HS6ST3: variants seen among roughly 807,000 people sequenced by gnomAD.
HS6ST3 encodes heparan sulfate 6-O-sulfotransferase 3, also known as heparan-sulfate 6-O-sulfotransferase 3.
Under a neutral mutation model 36.7 loss-of-function variants are expected in HS6ST3, and 12 were observed. The observed-to-expected ratio is 0.33, with a 90% CI of 0.21 to 0.53. The LOEUF is 0.53. Ranked by LOEUF, HS6ST3 falls within the 20% of genes least tolerant of loss-of-function variation. The pLI, the probability that HS6ST3 is intolerant of heterozygous loss-of-function variation, is 0.95. For missense variants in HS6ST3, 584 were observed against 640.9 expected, an observed-to-expected ratio of 0.91 and a Z score of 0.96; for synonymous variants, 240 against 257.5, an observed-to-expected ratio of 0.93 and a Z score of 0.65.
At chr13:96,276,163 G>A (rs962734939) in intron 1 of HS6ST3, among the ~76,000 whole-genome samples, 1 of 152,062 alleles carries the variant, frequency 6.6e-6, no homozygotes, top group Non-Finnish European at 1.5e-5. Context: ...AGTCAGTGCA[G>A]TTTCACTAGG....
intron 1 of HS6ST3, among the ~76,000 whole-genome samples, chr13:96,251,788 C>T (rs538464212): frequency 8.5e-4 from 129 of 151,892 alleles, no homozygotes; most frequent in African/African-American, 3.0e-3. Context: ...TTTTTGATTT[C>T]CCTTTTTAGT....
chr13:96,091,650 G>A, intron 1 of HS6ST3, 81 bp downstream of exon 1: 1 of 1,401,172 alleles, frequency 7.1e-7, no homozygotes, highest in Non-Finnish European at 9.3e-7. Flanking sequence ...GCGACCCCGC[G>A]CTCCCTGCCC....
chr13:96,146,729 G>A (rs2054059973), intron 1 of HS6ST3, among the ~76,000 whole-genome samples: 1 of 152,016 alleles, frequency 6.6e-6, no homozygotes, highest in Non-Finnish European at 1.5e-5. Flanking sequence ...TTCGTATGTA[G>A]GTATGGTCAC....
chr13:96,465,997 A>G (rs991382731), intron 1 of HS6ST3, among the ~76,000 whole-genome samples: 2 of 151,994 alleles, frequency 1.3e-5, no homozygotes, highest in Non-Finnish European at 2.9e-5. Flanking sequence ...AAGATCTACT[A>G]TCTTGTCCGG....
intron 1 of HS6ST3, among the ~76,000 whole-genome samples, chr13:96,246,381 C>G (rs1455691845): frequency 6.6e-6 from 1 of 152,040 alleles, no homozygotes; most frequent in Non-Finnish European, 1.5e-5. Flanking sequence ...CTTTTTGATG[C>G]TAATAGGTTG....
chr13:96,712,618 G>C (rs1480384221), intron 1 of HS6ST3, among the ~76,000 whole-genome samples: 1 of 152,182 alleles, frequency 6.6e-6, no homozygotes, highest in Non-Finnish European at 1.5e-5. Flanking sequence ...GGCAAGAAGA[G>C]TTGGCCTGCC....
At chr13:96,785,164 G>T (rs1877617843) in intron 1 of HS6ST3, among the ~76,000 whole-genome samples, 5 of 151,228 alleles carry the variant, frequency 3.3e-5, no homozygotes, top group Admixed American at 3.3e-4. Context: ...GTGAGACCCT[G>T]TCTAAAAAAA....
At chr13:96,129,069 A>G (rs896015398) in intron 1 of HS6ST3, among the ~76,000 whole-genome samples, 4 of 151,684 alleles carry the variant, frequency 2.6e-5, no homozygotes, top group African/African-American at 4.8e-5. Flanking sequence ...CTCATCTCCA[A>G]CTCCTGACCT....
intron 1 of HS6ST3, among the ~76,000 whole-genome samples, chr13:96,689,874 A>G (rs1427751775): frequency 6.6e-6 from 1 of 151,984 alleles, no homozygotes; most frequent in African/African-American, 2.4e-5. Context: ...TTGATTTTGC[A>G]TTAACATTGA....
At chr13:96,424,943 G>A (rs1353967850) in intron 1 of HS6ST3, among the ~76,000 whole-genome samples, 1 of 152,118 alleles carries the variant, frequency 6.6e-6, no homozygotes, top group African/African-American at 2.4e-5. Flanking sequence ...TGTACAAAAT[G>A]GGATGTGTAA....
In HS6ST3 at chr13:96,767,743, C is replaced by T. The variant is rs561032601; in HGVS notation, c.708-64747C>T. Reference sequence around the variant, plus strand: ...AAATTAGACTGGGGACTGAAGAATGCGGACTGTGGTGCAAAGCCTGCATAG... The same window carrying T: ...AAATTAGACTGGGGACTGAAGAATGTGGACTGTGGTGCAAAGCCTGCATAG... On this transcript the variant is annotated intron_variant, in intron 1 of 1. Transcript: ENST00000376705. 4.3e-4 allele frequency among the ~76,000 whole-genome samples: 65 copies of T among 152,264 alleles called. 2 individuals carry two copies. Among genetic ancestry groups the T allele is most frequent in the South Asian group, 4.1e-4 (2 of 4,828 alleles).
At chr13:96,661,415 C>T (rs1031930235) in intron 1 of HS6ST3, among the ~76,000 whole-genome samples, 2 of 151,884 alleles carry the variant, frequency 1.3e-5, no homozygotes, top group Non-Finnish European at 2.9e-5. Flanking sequence ...TAAAGGTTGT[C>T]TTATCTGATG....
chr13:96,298,930 T>A (rs1446781436), intron 1 of HS6ST3, among the ~76,000 whole-genome samples: 1 of 152,220 alleles, frequency 6.6e-6, no homozygotes, highest in Non-Finnish European at 1.5e-5. Context: ...ATATCCTTTT[T>A]AAATTTGTAA....
chr13:96,223,894 C>A (rs528347872), intron 1 of HS6ST3, among the ~76,000 whole-genome samples: 8 of 152,204 alleles, frequency 5.3e-5, no homozygotes, highest in Admixed American at 3.9e-4. Context: ...TGGGCAGTTT[C>A]TTCCAGATGG....
chr13:96,744,195 T>G (rs1876509115), intron 1 of HS6ST3, among the ~76,000 whole-genome samples: 2 of 152,080 alleles, frequency 1.3e-5, no homozygotes, highest in Admixed American at 6.6e-5. Flanking sequence ...TATTTTAATT[T>G]TTTTTCTCTT....
chr13:96,539,327 G>A (rs1345836901), intron 1 of HS6ST3, among the ~76,000 whole-genome samples: 3 of 151,750 alleles, frequency 2.0e-5, no homozygotes, highest in Admixed American at 6.6e-5. Flanking sequence ...TTAACCCAAC[G>A]AAAGCATTTG....
chr13:96,420,014 T>C (rs426351), intron 1 of HS6ST3, among the ~76,000 whole-genome samples: 136,316 of 152,228 alleles, frequency 0.9, 61,313 homozygotes, highest in South Asian at 0.94. Flanking sequence ...GAAAGAGTTA[T>C]GCTATCATTC....
At chr13:96,358,916 CTAGA>C (rs1405988114) in intron 1 of HS6ST3, among the ~76,000 whole-genome samples, 1 of 146,808 alleles carries the variant, frequency 6.8e-6, no homozygotes, top group Non-Finnish European at 1.5e-5. Context: ...ATCTATCTAT[CTAGA>C]GAGAGATGAC....
chr13:96,180,214 A>G (rs576607872), intron 1 of HS6ST3, among the ~76,000 whole-genome samples: 1 of 152,308 alleles, frequency 6.6e-6, no homozygotes, highest in East Asian at 1.9e-4. Context: ...ACACACGCCA[A>G]CCAACTAAAC....
Sources: gnomAD v4.1 joint callset for allele counts (sites outside exome capture counted in the v4.1 genomes callset) on GRCh38, gnomAD v4.1.1 for gene constraint, MANE v1.5 for transcripts, NCBI Gene and HGNC (gene_info 2026-07-23, HGNC 2026-07-21) for gene names.